The following MACF1 variants were observed in gnomAD, a reference collection of about 807,000 sequenced individuals.
MACF1 encodes microtubule-actin cross-linking factor 1.
A neutral mutation model predicts 854.8 loss-of-function variants in MACF1; 193 were observed. The ratio of observed to expected loss-of-function variants is 0.23; its 90% CI spans 0.20 to 0.25. The LOEUF (loss-of-function observed/expected upper bound fraction) is 0.25. MACF1 is among the 10% of genes least tolerant of loss of function. The pLI, the probability that MACF1 is intolerant of heterozygous loss-of-function variation, is 1.00. For missense variants in MACF1, 7,722 were observed against 8,929.1 expected (o/e 0.86, Z 5.45); for synonymous variants, 3,185 against 3,226.7 (o/e 0.99, Z 0.44).
At chr1:39,268,780 G>A (rs1645267190) in intron 6 of MACF1, 1 of 1,289,630 alleles carries the variant, frequency 7.8e-7, no homozygotes, top group Admixed American at 2.3e-5. Context: ...CCTAAGAAAA[G>A]GGTTCGGTTC....
chr1:39,232,746 G>GTTTTT (rs10712180), intron 2 of MACF1, among the ~76,000 whole-genome samples: 126 of 128,384 alleles, frequency 9.8e-4, no homozygotes, highest in Middle Eastern at 4.2e-3. Flanking sequence ...TACTCTCTTT[G>GTTTTT]TTTTTTTTTT....
rs112972656 is a variant in MACF1 at position 39,319,619 on chromosome 1, A to G, written c.3946-45A>G. On this transcript the variant is annotated intron_variant, in intron 30 of 100. Transcript: ENST00000564288. ...ACATAGTAAATGTTCAGCTCTTTCA[A>G]TGGTGGTAATGGCAATGATAATGTT... 340 of 1,285,520 alleles carry G rather than the reference A, an allele frequency of 2.6e-4. 1 individual carries two copies. The highest frequency in any genetic ancestry group is 2.1e-3 in the African/African-American group (144 of 68,404). 79.6% of individuals were successfully genotyped at this position (1,285,520 alleles called of 1,614,324 possible).
intron 99 of MACF1, 34 bp downstream of exon 99, chr1:39,481,064 C>G (rs781141320): frequency 4.8e-5 from 65 of 1,341,658 alleles, no homozygotes; most frequent in Non-Finnish European, 6.4e-5. Flanking sequence ...AGGACACAGT[C>G]AAGACGAGGC....
chr1:39,112,376 G>A (rs1320033357), intron 2 of MACF1, among the ~76,000 whole-genome samples: 1 of 152,134 alleles, frequency 6.6e-6, no homozygotes, highest in Non-Finnish European at 1.5e-5. Context: ...GAGCCACTGT[G>A]CCTGGCCACA....
chr1:39,340,561 G>A lies in MACF1; in HGVS notation c.10275G>A (p.Val3425=). The A allele has an allele frequency of 6.2e-7, 1 of 1,614,092 alleles. No homozygotes were observed. Among genetic ancestry groups the A allele is most frequent in the Non-Finnish European group, 8.5e-7 (1 of 1,180,028 alleles). The change falls in exon 39 of 101, where the codon GTG becomes GTA. Residue 3425 remains valine, a synonymous_variant. Transcript: ENST00000564288. The stretch of plus-strand genomic sequence containing the variant: ...TGGTCAGTCAGGAGCTGGAGTGTGT[G>A]AATCAGATTATCATCAGCCAGCCTC... ...TTLVSQELEC[V]NQIIISQPQE... is the part of the protein sequence containing the mutation.
intron 38 of MACF1, among the ~76,000 whole-genome samples, chr1:39,338,656 G>A (rs1443456741): frequency 6.6e-6 from 1 of 152,208 alleles, no homozygotes; most frequent in Non-Finnish European, 1.5e-5. Flanking sequence ...ACTAGGGAGA[G>A]CAGCCATTTA....
chr1:39,408,820 C>G (rs1642830692), intron 58 of MACF1, among the ~76,000 whole-genome samples: 1 of 151,972 alleles, frequency 6.6e-6, no homozygotes, highest in South Asian at 2.1e-4. Flanking sequence ...GAACGGCTGG[C>G]GTCCCGGGTC....
chr1:39,393,187 AAAAAAAAAAATAT>A (rs1346559209), intron 58 of MACF1, among the ~76,000 whole-genome samples: 1 of 100,572 alleles, frequency 9.9e-6, no homozygotes, highest in East Asian at 2.8e-4. Context: ...AGGGTAAAAA[AAAAAAAAAAATAT>A]ATATATATAT....
Position 39,385,629 on chromosome 1 carries a change from A to G in MACF1, c.14044A>G (p.Ile4682Val), listed in dbSNP as rs116066974. 26 of 1,614,132 alleles carry G rather than the reference A, an allele frequency of 1.6e-5. No homozygotes were observed. Among genetic ancestry groups the G allele is most frequent in the South Asian group, 3.3e-5 (3 of 91,082 alleles). Residue 4682 changes from isoleucine to valine, a missense_variant, in exon 57 of 101, where the codon ATT (isoleucine) becomes GTT (valine). By Grantham distance (29) the Ile-to-Val change is conservative. Coordinates refer to ENST00000564288, the MANE Select transcript of MACF1 (RefSeq NM_001394062.1). ...NSRSSQIDQAIVKSTQYQELL... is the reference protein window; with the variant it reads ...NSRSSQIDQAVVKSTQYQELL... ...CCGTTCCAGCCAAATTGACCAAGCT[A>G]TTGTTAAGAGCACCCAGTACCAGGA...
intron 2 of MACF1, among the ~76,000 whole-genome samples, chr1:39,237,530 T>A (rs1012933152): frequency 1.3e-5 from 2 of 152,208 alleles, no homozygotes; most frequent in Middle Eastern, 3.2e-3. Flanking sequence ...ATCCTTAAAA[T>A]AACCCTGAAG....
rs1641613206 is a variant in MACF1 at position 39,084,449 on chromosome 1, T to A, written c.220+11T>A. 6.2e-7 allele frequency: 1 copy of A among 1,601,990 alleles called. No homozygotes were observed. Among genetic ancestry groups the A allele is most frequent in the Non-Finnish European group, 8.5e-7 (1 of 1,178,020 alleles). On this transcript the variant is annotated intron_variant, in intron 2 of 93. Transcript: ENST00000361689. The surrounding 1 kb of genome is among the most constrained non-coding windows in gnomAD (Gnocchi z 5.2). ...TGGTCAGAGTCGCTGGTAAGAGAGG[T>A]CCCCCAGCAGGCTGGACGCTGTGGG...
intron 6 of MACF1, among the ~76,000 whole-genome samples, chr1:39,278,713 G>A (rs1014763234): frequency 6.6e-6 from 1 of 152,188 alleles, no homozygotes; most frequent in African/African-American, 2.4e-5. Context: ...CATTTAGCCA[G>A]TGAAATAGGT....
At chr1:39,171,409 C>A (rs1216117277) in intron 2 of MACF1, among the ~76,000 whole-genome samples, 1 of 152,112 alleles carries the variant, frequency 6.6e-6, no homozygotes, top group Non-Finnish European at 1.5e-5. Context: ...AATGGAAATC[C>A]CATATCCATT....
At position 39,477,068 on chromosome 1, in the gene MACF1, T is replaced by TACACACAC. The variant is rs1424581152; in HGVS notation, c.21959-2729_21959-2728insCACACACA. Among the ~76,000 whole-genome samples, 55 of 19,504 alleles carry TACACACAC rather than the reference T, an allele frequency of 2.8e-3. 3 individuals are homozygous for TACACACAC. The highest frequency in any genetic ancestry group is 6.5e-3 in the East Asian group (4 of 616). The allele number at this position is 19,504 out of a possible 152,430, so 12.8% of individuals were successfully genotyped here. A position where few individuals can be genotyped will look rare whatever the true frequency, so the allele number is the denominator to read the frequency against. On this transcript the variant is annotated intron_variant, in intron 97 of 100. Coordinates refer to ENST00000564288, the MANE Select transcript of MACF1 (RefSeq NM_001394062.1). Reference sequence around the variant, plus strand: ...GTGTATATATATATATATATATATATATATATATATATATATATATATACA... The same window carrying TACACACAC: ...GTGTATATATATATATATATATATATACACACACATATATATATATATATATATATACA...
At chr1:39,403,030 T>C (rs1041368702) in intron 58 of MACF1, among the ~76,000 whole-genome samples, 15 of 151,958 alleles carry the variant, frequency 9.9e-5, no homozygotes, top group African/African-American at 3.6e-4. Flanking sequence ...AAATCTATCT[T>C]TCTCTCTCTT....
At chr1:39,368,447 T>C in intron 50 of MACF1, 133 bp downstream of exon 50, 1 of 873,740 alleles carries the variant, frequency 1.1e-6, no homozygotes, top group East Asian at 2.6e-5. Flanking sequence ...TGTAGGAGGG[T>C]GAAAAGTGCC....
chr1:39,098,427 C>T (rs77440651), intron 2 of MACF1, among the ~76,000 whole-genome samples: 2 of 152,204 alleles, frequency 1.3e-5, no homozygotes, highest in African/African-American at 4.8e-5. Flanking sequence ...ACTGCCTCCC[C>T]CATTACAAGG....
At chr1:39,461,605 A>G (rs1333566632) in intron 92 of MACF1, among the ~76,000 whole-genome samples, 2 of 152,046 alleles carry the variant, frequency 1.3e-5, no homozygotes. Flanking sequence ...CCTGGCCAAC[A>G]TGGCAAAACC....
intron 2 of MACF1, among the ~76,000 whole-genome samples, chr1:39,235,616 C>T (rs992444082): frequency 3.3e-5 from 5 of 152,338 alleles, no homozygotes; most frequent in African/African-American, 9.6e-5. Flanking sequence ...ATCTCCATAT[C>T]GCTGCTTTTG....
Sources: gnomAD v4.1 joint callset for allele counts (sites outside exome capture counted in the v4.1 genomes callset) on GRCh38, gnomAD v4.1.1 for gene constraint, Gnocchi (gnomAD v3.1) non-coding constraint, MANE v1.5 for transcripts, NCBI Gene and HGNC (gene_info 2026-07-23, HGNC 2026-07-21) for gene names.